Variants in CCL25 observed in about 807,000 individuals in gnomAD.
CCL25 encodes the protein C-C motif chemokine 25.
CCL25 carries 14 observed loss-of-function variants against 19.9 expected under a neutral mutation model. That is an observed-to-expected ratio of 0.70 (90% CI 0.47 to 1.10). The LOEUF (loss-of-function observed/expected upper bound fraction) is 1.10. Ranked by LOEUF, CCL25 falls within the 50% of genes least tolerant of loss-of-function variation. The pLI is 0.00. For synonymous variants in CCL25, 68 were observed against 73.2 expected (o/e 0.93, Z 0.36); for missense variants, 151 against 181.2 (o/e 0.83, Z 0.96).
chr19:8,053,165 C>A, intron 2 of CCL25, 43 bp downstream of exon 2: 1 of 1,285,528 alleles, frequency 7.8e-7, no homozygotes, highest in Non-Finnish European at 1.1e-6. Flanking sequence ...CCCCTCTCCC[C>A]ATGCCCCCAC....
chr19:8,056,413 G>A lies in CCL25; in HGVS notation c.239G>A (p.Ser80Asn). Residue 80 changes from serine to asparagine, a missense_variant, in exon 4 of 6, where the codon AGC (serine) becomes AAC (asparagine). Transcript: ENST00000315626. ...RHRKVCGNPK[S>N]REVQRAMKLL... ...AGGAAGGTGTGTGGGAACCCCAAAA[G>A]CAGGGAGGTGCAGAGAGCCATGAAG... The A allele has an allele frequency of 6.2e-7, 1 of 1,614,046 alleles. No homozygotes were observed. Among genetic ancestry groups the A allele is most frequent in the Non-Finnish European group, 8.5e-7 (1 of 1,179,996 alleles).
intron 2 of CCL25, among the ~76,000 whole-genome samples, chr19:8,055,026 C>T (rs1387474053): frequency 6.6e-6 from 1 of 150,920 alleles, no homozygotes; most frequent in African/African-American, 2.4e-5. Context: ...CACAGTGGCT[C>T]ACGCCTGTAA....
At chr19:8,052,936 G>T (rs553466000) in intron 1 of CCL25, 64 bp from the exon 2 acceptor site, 5 of 616,818 alleles carry the variant, frequency 8.1e-6, no homozygotes, top group African/African-American at 7.4e-5. Flanking sequence ...TAAGAGGGGG[G>T]ATGTTCCCAG....
chr19:8,062,263 C>T lies in CCL25; in HGVS notation c.*38C>T. On this transcript the variant is annotated 3_prime_UTR_variant, in exon 6 of 6. Coordinates refer to ENST00000315626, the MANE Select transcript of CCL25 (RefSeq NM_005624.4). Reference sequence around the variant, plus strand: ...CTGGGCTCCATCGGCACAGGAGGGGCCGGATCTTTCTCCGATAAAACCGTC... The same window carrying T: ...CTGGGCTCCATCGGCACAGGAGGGGTCGGATCTTTCTCCGATAAAACCGTC... The T allele has an allele frequency of 6.2e-7, 1 of 1,611,604 alleles. No individual in the cohort carries two copies. Among genetic ancestry groups the T allele is most frequent in the South Asian group, 1.1e-5 (1 of 90,988 alleles).
chr19:8,056,023 A>T, intron 2 of CCL25, 129 bp from the exon 3 acceptor site: 1 of 642,898 alleles, frequency 1.6e-6, no homozygotes, highest in Non-Finnish European at 2.7e-6. Flanking sequence ...GCTGTTCCTC[A>T]GCCTCTGCCG....
At chr19:8,052,890 T>C in intron 1 of CCL25, 68 bp downstream of exon 1, 2 of 540,414 alleles carry the variant, frequency 3.7e-6, no homozygotes, top group Non-Finnish European at 6.6e-6. Context: ...GTTCCTACTT[T>C]ATACAACCTC....
intron 2 of CCL25, among the ~76,000 whole-genome samples, chr19:8,054,029 C>T (rs946270575): frequency 4.4e-4 from 67 of 152,362 alleles, no homozygotes; most frequent in Middle Eastern, 3.4e-3. Flanking sequence ...TTCTTCCCCA[C>T]TCCCTACCGC....
At chr19:8,062,006 C>T (rs1427625472) in intron 5 of CCL25, among the ~76,000 whole-genome samples, 1 of 146,460 alleles carries the variant, frequency 6.8e-6, no homozygotes, top group African/African-American at 2.5e-5. Flanking sequence ...GCCGAGATTG[C>T]GCCACTGCAC....
At chr19:8,058,518 A>G (rs2081290890) in intron 5 of CCL25, among the ~76,000 whole-genome samples, 1 of 114,216 alleles carries the variant, frequency 8.8e-6, no homozygotes, top group South Asian at 2.3e-4. Flanking sequence ...TATTATATAT[A>G]ATATATAAAT....
intron 4 of CCL25, 149 bp downstream of exon 4, chr19:8,056,648 C>A: frequency 2.3e-6 from 2 of 865,670 alleles, no homozygotes; most frequent in Non-Finnish European, 3.5e-6. Context: ...GTGAGTGGGG[C>A]ACCAAGTGAA....
intron 4 of CCL25, among the ~76,000 whole-genome samples, chr19:8,056,840 C>T (rs1189738144): frequency 6.6e-6 from 1 of 151,972 alleles, no homozygotes; most frequent in Non-Finnish European, 1.5e-5. Flanking sequence ...GCCACCAGTC[C>T]AGCTCTTTTA....
chr19:8,059,355 C>T (rs1032364233), intron 5 of CCL25, among the ~76,000 whole-genome samples: 6 of 150,444 alleles, frequency 4.0e-5, no homozygotes, highest in Admixed American at 2.0e-4. Context: ...TGCATCACCA[C>T]GTCTGGCTAA....
At chr19:8,059,085 AT>A (rs1387005534) in intron 5 of CCL25, among the ~76,000 whole-genome samples, 324 of 19,004 alleles carry the variant, frequency 0.017, 2 homozygotes, top group Middle Eastern at 0.15. Context: ...AATATATATA[AT>A]ATATATAATG....
At chr19:8,055,779 G>A (rs2081266703) in intron 2 of CCL25, among the ~76,000 whole-genome samples, 1 of 152,144 alleles carries the variant, frequency 6.6e-6, no homozygotes, top group African/African-American at 2.4e-5. Flanking sequence ...CTGCCAATCA[G>A]CTCATTTTTA....
intron 5 of CCL25, among the ~76,000 whole-genome samples, chr19:8,059,059 AATAT>A (rs1196532810): frequency 2.4e-5 from 2 of 83,102 alleles, no homozygotes; most frequent in African/African-American, 8.4e-5. Flanking sequence ...GTAATATATA[AATAT>A]ATATAATATA....
Position 8,053,092 on chromosome 19 carries a change from G to A in CCL25, c.43G>A (p.Gly15Arg), listed in dbSNP as rs200248196. 3.2e-6 allele frequency: 5 copies of A among 1,556,852 alleles called. No individual in the cohort carries two copies. Among genetic ancestry groups the A allele is most frequent in the Non-Finnish European group, 4.3e-6 (5 of 1,150,054 alleles). The change falls in exon 2 of 6, where the codon GGA becomes AGA. Residue 15 changes from glycine (G) to arginine (R), a missense_variant. Gly to Arg is a moderately radical substitution (Grantham distance 125). Coordinates refer to ENST00000315626, the MANE Select transcript of CCL25 (RefSeq NM_005624.4). ...GGCCTGCCTGGTGGCCGGCTTCCTG[G>A]GAGCCTGGGCCCCCGCTGTCCACAC... ...LLACLVAGFL[G>R]AWAPAVHTQG...
rs1256774006 is a variant in CCL25, at chr19:8,056,346, C to A, written c.192-20C>A. 6.2e-7 allele frequency: 1 copy of A among 1,611,750 alleles called. No homozygotes were observed. On this transcript the variant is annotated intron_variant, in intron 3 of 5. Transcript: ENST00000315626. ...GCCAGCCTACACCCTAACCTGGGCA[C>A]CCCCCTCTGCTCACCACAGATTCTA...
chr19:8,060,870 C>T (rs973732665), intron 5 of CCL25, among the ~76,000 whole-genome samples: 7 of 151,188 alleles, frequency 4.6e-5, no homozygotes, highest in African/African-American at 1.2e-4. Context: ...TTAGTAGAGA[C>T]GGGGTTTCAC....
At chr19:8,059,118 T>A (rs1418953667) in intron 5 of CCL25, among the ~76,000 whole-genome samples, 1 of 99,686 alleles carries the variant, frequency 1.0e-5, no homozygotes, top group African/African-American at 3.7e-5. Flanking sequence ...ATATAATATA[T>A]AAATATATAT....
Sources: gnomAD v4.1 joint callset for allele counts (sites outside exome capture counted in the v4.1 genomes callset) on GRCh38, gnomAD v4.1.1 for gene constraint, MANE v1.5 for transcripts, NCBI Gene and HGNC (gene_info 2026-07-23, HGNC 2026-07-21) for gene names.